RSPO3: variants seen among roughly 807,000 people sequenced by gnomAD.
The protein encoded by RSPO3 is R-spondin 3.
RSPO3 carries 17 observed loss-of-function variants against 36.5 expected under a neutral mutation model. The observed-to-expected ratio is 0.47, with a 90% CI of 0.32 to 0.70. RSPO3 has a LOEUF of 0.70. Ranked by LOEUF, RSPO3 falls within the 30% of genes least tolerant of loss-of-function variation. The pLI is 0.04. For synonymous variants in RSPO3, 108 were observed against 107.0 expected, an observed-to-expected ratio of 1.01 and a Z score of -0.06; for missense variants, 294 against 322.5, an observed-to-expected ratio of 0.91 and a Z score of 0.68.
At chr6:127,132,549 A>G (rs1379299284) in intron 1 of RSPO3, among the ~76,000 whole-genome samples, 1 of 152,078 alleles carries the variant, frequency 6.6e-6, no homozygotes, top group African/African-American at 2.4e-5. Context: ...TGCCAGTTCA[A>G]ATGCAATTCT....
Position 127,197,415 on chromosome 6 carries a change from G to A in RSPO3, c.*1408G>A. 1.3e-6 allele frequency: 2 copies of A among 1,550,110 alleles called. No homozygotes were observed. The highest frequency in any genetic ancestry group is 1.7e-6 in the Non-Finnish European group (2 of 1,146,826). ...TTCTTCTCCATATTTTCTATCTGTGGATCTCTTTAGGGGATTGAAGTCACC... is the reference window on the plus strand; with the variant it reads ...TTCTTCTCCATATTTTCTATCTGTGAATCTCTTTAGGGGATTGAAGTCACC... On this transcript the variant is annotated 3_prime_UTR_variant, in exon 5 of 5. Coordinates refer to ENST00000356698, the MANE Select transcript of RSPO3 (RefSeq NM_032784.5).
At chr6:127,161,939 A>G (rs1226740468) in intron 4 of RSPO3, among the ~76,000 whole-genome samples, 1 of 152,182 alleles carries the variant, frequency 6.6e-6, no homozygotes, top group African/African-American at 2.4e-5. Flanking sequence ...AAAGGCTTAA[A>G]ACAACAACCA....
At position 127,199,474 on chromosome 6, in the gene RSPO3, A is replaced by C. The variant is rs1352497928; in HGVS notation, c.*3467A>C. Among the ~76,000 whole-genome samples, 2 of 152,198 alleles carry C rather than the reference A, an allele frequency of 1.3e-5. No homozygotes were observed. Among genetic ancestry groups the C allele is most frequent in the Non-Finnish European group, 1.5e-5 (1 of 68,034 alleles). Reference sequence around the variant, plus strand: ...AATTAATAATATTAACTAGTAATTAAATTGTAATTTTGTCTTGAGTCTTCT... The same window carrying C: ...AATTAATAATATTAACTAGTAATTACATTGTAATTTTGTCTTGAGTCTTCT... On this transcript the variant is annotated 3_prime_UTR_variant, in exon 5 of 5. Coordinates refer to ENST00000356698, the MANE Select transcript of RSPO3 (RefSeq NM_032784.5).
Position 127,178,267 on chromosome 6 carries a change from T to C in RSPO3, c.635-17556T>C, listed in dbSNP as rs188521271. 9.9e-5 allele frequency among the ~76,000 whole-genome samples: 15 copies of C among 151,914 alleles called. No individual in the cohort carries two copies. In the East Asian group the frequency reaches 2.9e-3, roughly 30 times the overall value. Reference sequence around the variant, plus strand: ...CTTGAGATTCTCTAAGTTCTACACATAAGCTTCTTAATTACCAAACTCATA... The same window carrying C: ...CTTGAGATTCTCTAAGTTCTACACACAAGCTTCTTAATTACCAAACTCATA... On this transcript the variant is annotated intron_variant, in intron 4 of 4. Transcript: ENST00000356698.
At chr6:127,178,207 G>A (rs748985968) in intron 4 of RSPO3, among the ~76,000 whole-genome samples, 46 of 151,612 alleles carry the variant, frequency 3.0e-4, no homozygotes, top group Non-Finnish European at 5.8e-4. Flanking sequence ...TGTATTATTT[G>A]GCTGGACAAC....
rs377543838 is a variant in RSPO3 at position 127,148,790 on chromosome 6, T to C, written c.240T>C (p.Cys80=). ...MKQIGVCLSS[C]PSGYYGTRYP... ...AGATTGGAGTATGTCTCTCTTCATG[T>C]CCAAGTGGATATTATGGAACTCGAT... Residue 80 remains cysteine, a synonymous_variant, in exon 2 of 5, where the codon TGT becomes TGC. Coordinates refer to ENST00000356698, the MANE Select transcript of RSPO3 (RefSeq NM_032784.5). 256 of 1,612,840 alleles carry C rather than the reference T, an allele frequency of 1.6e-4. No individual in the cohort carries two copies. Among genetic ancestry groups the C allele is most frequent in the Non-Finnish European group, 1.4e-4 (168 of 1,179,234 alleles).
At chr6:127,192,322 T>TGAG in intron 4 of RSPO3, among the ~76,000 whole-genome samples, 1 of 152,220 alleles carries the variant, frequency 6.6e-6, no homozygotes, top group Non-Finnish European at 1.5e-5. Context: ...TTAGTTTTCA[T>TGAG]TTGTCCCATG....
intron 3 of RSPO3, among the ~76,000 whole-genome samples, 166 bp downstream of exon 3, chr6:127,150,738 A>G (rs1463392008): frequency 6.9e-6 from 1 of 144,316 alleles, no homozygotes; most frequent in Non-Finnish European, 1.5e-5. Context: ...GTTTTTCATA[A>G]CCTTATCTAG....
intron 4 of RSPO3, among the ~76,000 whole-genome samples, chr6:127,185,346 T>G (rs570248595): frequency 8.5e-5 from 13 of 152,220 alleles, no homozygotes; most frequent in Non-Finnish European, 1.6e-4. Context: ...TCATATATTA[T>G]GGGTAAAGTT....
intron 4 of RSPO3, among the ~76,000 whole-genome samples, chr6:127,177,544 T>G (rs1208929556): frequency 6.6e-6 from 1 of 151,850 alleles, no homozygotes; most frequent in Non-Finnish European, 1.5e-5. Flanking sequence ...CAGTAATAAG[T>G]GCTGATCATA....
chr6:127,195,492 T>C (rs1775496532), intron 4 of RSPO3, among the ~76,000 whole-genome samples: 1 of 152,192 alleles, frequency 6.6e-6, no homozygotes, highest in Non-Finnish European at 1.5e-5. Context: ...TAATAAATGT[T>C]TTCAACAGCA....
intron 1 of RSPO3, among the ~76,000 whole-genome samples, chr6:127,139,104 G>T (rs1475200526): frequency 6.6e-6 from 1 of 152,062 alleles, no homozygotes; most frequent in Non-Finnish European, 1.5e-5. Context: ...GTATAAAGAT[G>T]CATCATACTT....
chr6:127,173,491 A>G (rs1774984621), intron 4 of RSPO3, among the ~76,000 whole-genome samples: 1 of 151,928 alleles, frequency 6.6e-6, no homozygotes, highest in Non-Finnish European at 1.5e-5. Flanking sequence ...GTTAAAATTA[A>G]TACTTAATCC....
At chr6:127,195,742 A>G (rs998277313) in intron 4 of RSPO3, 81 bp from the exon 5 acceptor site, 4 of 964,332 alleles carry the variant, frequency 4.1e-6, no homozygotes, top group Non-Finnish European at 6.0e-6. Flanking sequence ...TCTAAGAGAA[A>G]TTTAAGTCAT....
intron 4 of RSPO3, among the ~76,000 whole-genome samples, chr6:127,180,519 C>T (rs1020597512): frequency 3.5e-4 from 44 of 126,230 alleles, no homozygotes; most frequent in Non-Finnish European, 1.7e-5. Context: ...AAAAAAACCA[C>T]CAGATCTTTG....
intron 1 of RSPO3, among the ~76,000 whole-genome samples, chr6:127,132,625 C>G (rs1257951687): frequency 1.3e-5 from 2 of 151,972 alleles, no homozygotes; most frequent in Admixed American, 6.6e-5. Flanking sequence ...GATGTAAGCT[C>G]TGGTATCCAT....
chr6:127,131,790 C>T (rs2745353), intron 1 of RSPO3, among the ~76,000 whole-genome samples: 82,715 of 151,842 alleles, frequency 0.54, 22,580 homozygotes, highest in African/African-American at 0.61. Flanking sequence ...TCCTATGTAT[C>T]AAGCACCTTG....
intron 4 of RSPO3, among the ~76,000 whole-genome samples, chr6:127,163,653 G>T (rs1332146320): frequency 6.6e-6 from 1 of 151,726 alleles, no homozygotes; most frequent in Non-Finnish European, 1.5e-5. Context: ...TCCCAAATTA[G>T]AAATACTTTC....
intron 3 of RSPO3, among the ~76,000 whole-genome samples, chr6:127,153,707 T>G (rs1774536062): frequency 6.6e-6 from 1 of 152,148 alleles, no homozygotes; most frequent in Non-Finnish European, 1.5e-5. Context: ...AGATCATTTT[T>G]TCTAATTCAG....
Sources: allele counts gnomAD v4.1 joint callset (sites outside exome capture counted in the v4.1 genomes callset), GRCh38; gene constraint gnomAD v4.1.1; transcripts MANE v1.5; gene names NCBI Gene and HGNC (gene_info 2026-07-23, HGNC 2026-07-21).